HIGD1C: variants seen among roughly 807,000 people sequenced by gnomAD.
The protein encoded by HIGD1C is HIG1 hypoxia inducible domain family member 1C, also known as HIG1 domain family member 1C.
In HIGD1C, 11 loss-of-function variants were observed where a neutral mutation model predicts 13.1. The ratio of observed to expected loss-of-function variants is 0.84; its 90% confidence interval spans 0.53 to 1.39. The LOEUF (loss-of-function observed/expected upper bound fraction) is 1.39, where lower values mean the gene tolerates loss of function less well. Ranked by LOEUF, HIGD1C falls within the 40% of genes most tolerant of loss-of-function variation. The pLI is 0.00. For missense variants in HIGD1C, 110 were observed against 112.0 expected (o/e 0.98, Z 0.08); for synonymous variants, 36 against 37.7 (o/e 0.95, Z 0.17).
intron 2 of HIGD1C, among the ~76,000 whole-genome samples, chr12:50,968,200 A>T (rs1939618356): frequency 1.3e-5 from 2 of 152,198 alleles, no homozygotes; most frequent in Non-Finnish European, 2.9e-5. Flanking sequence ...TTGGCTAAAC[A>T]GTTTATGCGA....
the HIGD1C span, among the ~76,000 whole-genome samples, chr12:50,938,236 T>G: frequency 6.9e-6 from 1 of 145,238 alleles, no homozygotes; most frequent in African/African-American, 2.5e-5. Context: ...GTGTCCAAAG[T>G]CTGGAAGGGG....
chr12:50,950,294 G>A (rs1247486949), upstream of HIGD1C, among the ~76,000 whole-genome samples: 1 of 152,132 alleles, frequency 6.6e-6, no homozygotes, highest in East Asian at 1.9e-4. Context: ...AACAAAGGCA[G>A]AAGAGAAAAA....
chr12:50,945,831 T>C, the HIGD1C span, among the ~76,000 whole-genome samples: 1 of 152,096 alleles, frequency 6.6e-6, no homozygotes, highest in African/African-American at 2.4e-5. Flanking sequence ...CTTCAAACTA[T>C]ACTACAAGGC....
At chr12:50,955,954 A>C (rs1939077012) in intron 1 of HIGD1C, among the ~76,000 whole-genome samples, 1 of 152,270 alleles carries the variant, frequency 6.6e-6, no homozygotes, top group African/African-American at 2.4e-5. Flanking sequence ...AAATTCAATT[A>C]TAAACAAACT....
chr12:50,969,744 T>C (rs1939691944), intron 2 of HIGD1C, among the ~76,000 whole-genome samples: 1 of 150,970 alleles, frequency 6.6e-6, no homozygotes, highest in South Asian at 2.1e-4. Flanking sequence ...CTTACAATAA[T>C]GAATATATGG....
chr12:50,935,390 T>C, the HIGD1C span: 2 of 152,222 alleles, frequency 1.3e-5, no homozygotes, highest in Admixed American at 6.5e-5. Context: ...GTGCAAGGTA[T>C]TATTTTGTTT....
At chr12:50,967,933 A>T (rs928364452) in intron 2 of HIGD1C, among the ~76,000 whole-genome samples, 3 of 152,168 alleles carry the variant, frequency 2.0e-5, no homozygotes, top group African/African-American at 7.2e-5. Context: ...ACAAAAAATT[A>T]AAAAGTTAGC....
the HIGD1C span, among the ~76,000 whole-genome samples, chr12:50,938,270 G>A: frequency 2.0e-5 from 3 of 152,152 alleles, no homozygotes; most frequent in Non-Finnish European, 4.4e-5. Flanking sequence ...GGGCTGGCAG[G>A]AGGCTGGCGT....
At chr12:50,961,242 T>C in intron 2 of HIGD1C, 140 bp downstream of exon 4, 1 of 907,682 alleles carries the variant, frequency 1.1e-6, no homozygotes, top group Non-Finnish European at 1.6e-6. Context: ...CTTCCCTTAG[T>C]TGAGGTTGTG....
intron 2 of HIGD1C, among the ~76,000 whole-genome samples, chr12:50,962,097 AC>A (rs770499383): frequency 6.6e-6 from 1 of 152,172 alleles, no homozygotes; most frequent in Non-Finnish European, 1.5e-5. Flanking sequence ...CAGAAATAGC[AC>A]AGGCTGGCTG....
intron 1 of HIGD1C, among the ~76,000 whole-genome samples, chr12:50,955,753 C>T (rs1416029374): frequency 6.6e-6 from 1 of 152,108 alleles, no homozygotes; most frequent in Non-Finnish European, 1.5e-5. Flanking sequence ...AGTGATTTAT[C>T]TTCCTTAGCA....
chr12:50,962,232 T>TAC (rs34526248), intron 2 of HIGD1C, among the ~76,000 whole-genome samples: 1,571 of 146,276 alleles, frequency 0.011, 20 homozygotes, highest in African/African-American at 0.028. Context: ...CTAAAAAAAT[T>TAC]ACACACACAC....
At chr12:50,960,908 G>A in intron 1 of HIGD1C, 60 bp from the exon 4 acceptor site, 11 of 1,436,468 alleles carry the variant, frequency 7.7e-6, no homozygotes, top group African/African-American at 1.5e-5. Context: ...TCAAACTCCT[G>A]GTCTCACACG....
At chr12:50,961,134 C>T (rs1389409579) in intron 2 of HIGD1C, 32 bp downstream of exon 4, 1 of 1,609,118 alleles carries the variant, frequency 6.2e-7, no homozygotes, top group Admixed American at 1.7e-5. Context: ...TTATGTTCAG[C>T]TGTCTTTGAG....
At chr12:50,962,148 T>G (rs12315928) in intron 2 of HIGD1C, among the ~76,000 whole-genome samples, 27,779 of 152,004 alleles carry the variant, frequency 0.18, 2,884 homozygotes, top group East Asian at 0.5. Context: ...CACTTTGGGA[T>G]GCCGAGGCGG....
the HIGD1C span, among the ~76,000 whole-genome samples, chr12:50,934,427 G>A: frequency 1.3e-5 from 2 of 152,220 alleles, no homozygotes; most frequent in Non-Finnish European, 2.9e-5. Context: ...ATGAAGCAAT[G>A]CACTTGGCAC....
chr12:50,947,054 A>G, the HIGD1C span, among the ~76,000 whole-genome samples: 1 of 152,078 alleles, frequency 6.6e-6, no homozygotes, highest in African/African-American at 2.4e-5. Context: ...TCAACCCTCT[A>G]CATCTGCTCC....
the HIGD1C span, among the ~76,000 whole-genome samples, chr12:50,934,627 C>T: frequency 1.3e-5 from 2 of 152,156 alleles, no homozygotes; most frequent in Non-Finnish European, 2.9e-5. Flanking sequence ...CTGACCTATC[C>T]AAGAGGAGAA....
At chr12:50,962,360 G>A (rs535138503) in intron 2 of HIGD1C, among the ~76,000 whole-genome samples, 20 of 151,924 alleles carry the variant, frequency 1.3e-4, no homozygotes, top group African/African-American at 2.2e-4. Context: ...GCAGTGAGCC[G>A]AGATCATGCC....
Sources: allele counts gnomAD v4.1 joint callset (sites outside exome capture counted in the v4.1 genomes callset), GRCh38; gene constraint gnomAD v4.1.1; transcripts MANE v1.5; gene names NCBI Gene and HGNC (gene_info 2026-07-23, HGNC 2026-07-21).